SPG21: variants seen among roughly 807,000 people sequenced by gnomAD.
The protein encoded by SPG21 is maspardin.
Under a neutral mutation model 38.9 loss-of-function variants are expected in SPG21, and 26 were observed. That is an observed-to-expected ratio of 0.67 (90% CI 0.49 to 0.93). SPG21 has a LOEUF of 0.93. SPG21 is among the 40% of genes least tolerant of loss of function. The pLI is 0.00. For missense variants in SPG21, 333 were observed against 376.5 expected, an observed-to-expected ratio of 0.88 and a Z score of 0.96; for synonymous variants, 136 against 128.9, an observed-to-expected ratio of 1.05 and a Z score of -0.37.
intron 7 of SPG21, 125 bp downstream of exon 7, chr15:64,969,130 G>GT: frequency 2.8e-6 from 2 of 712,386 alleles, no homozygotes; most frequent in South Asian, 3.2e-5. Context: ...AAGCTGGAGG[G>GT]TAAAAACAAA....
rs1348908401 is a variant in SPG21, at chr15:64,963,063, A to G, written c.*557T>C. ...TTTATTCCAAATGACTAATATCTAG[A>G]AAGGCAGTAGCTAACACTCAAAACA... On this transcript the variant is annotated 3_prime_UTR_variant, in exon 9 of 9. Transcript: ENST00000204566. 1 of 152,850 alleles carries G rather than the reference A, an allele frequency of 6.5e-6. No individual in the cohort carries two copies. The highest frequency in any genetic ancestry group is 1.5e-5 in the Non-Finnish European group (1 of 68,350). The allele number at this position is 152,850 out of a possible 1,614,324, so 9.5% of individuals were successfully genotyped here.
intron 3 of SPG21, among the ~76,000 whole-genome samples, chr15:64,979,675 C>T (rs1488985220): frequency 6.6e-6 from 1 of 151,886 alleles, no homozygotes; most frequent in Non-Finnish European, 1.5e-5. Flanking sequence ...AAAGGAGAGA[C>T]GTGACCTGCC....
intron 4 of SPG21, 41 bp from the exon 5 acceptor site, chr15:64,974,788 T>C: frequency 6.2e-7 from 1 of 1,612,958 alleles, no homozygotes; most frequent in Non-Finnish European, 8.5e-7. Context: ...GAAATACTGA[T>C]CAATCTTGAA....
intron 5 of SPG21, among the ~76,000 whole-genome samples, chr15:64,971,874 G>A (rs1261816947): frequency 2.0e-5 from 3 of 152,136 alleles, no homozygotes; most frequent in Non-Finnish European, 4.4e-5. Context: ...ATCTTGCTCT[G>A]TTGCCCAGGC....
At chr15:64,971,335 T>G (rs181044994) in intron 5 of SPG21, among the ~76,000 whole-genome samples, 2 of 148,780 alleles carry the variant, frequency 1.3e-5, no homozygotes, top group Non-Finnish European at 3.0e-5. Context: ...GTCAGGAGAT[T>G]GAGACCATCC....
chr15:64,983,292 A>AT (rs2085919749), intron 2 of SPG21: 7 of 298,386 alleles, frequency 2.3e-5, no homozygotes, highest in Non-Finnish European at 3.8e-5. Flanking sequence ...AAATAAATAA[A>AT]AATGAGTACA....
At chr15:64,989,377 GC>G (rs2140461871) in intron 1 of SPG21, 1 of 152,406 alleles carries the variant, frequency 6.6e-6, no homozygotes, top group Non-Finnish European at 1.5e-5. Flanking sequence ...TAAGCCCTGT[GC>G]CGCCCCCACC....
At position 64,976,465 on chromosome 15, in the gene SPG21, G is replaced by A. The variant is rs2085775938; in HGVS notation, c.306+10C>T. ...AATTGTATGTATGTAATTAGTTTCA[G>A]GGTACTCACTTTATCCAATTGTAAA... On this transcript the variant is annotated intron_variant, in intron 4 of 8. Transcript: ENST00000204566. 3 of 1,589,074 alleles carry A rather than the reference G, an allele frequency of 1.9e-6. No individual in the cohort carries two copies. The highest frequency in any genetic ancestry group is 2.6e-6 in the Non-Finnish European group (3 of 1,157,670).
At chr15:64,973,860 T>C (rs968116405) in intron 5 of SPG21, among the ~76,000 whole-genome samples, 3 of 152,096 alleles carry the variant, frequency 2.0e-5, no homozygotes, top group African/African-American at 7.2e-5. Context: ...GGAGAACATA[T>C]CTCAAGGAAA....
At chr15:64,970,356 C>G in intron 5 of SPG21, 134 bp from the exon 6 acceptor site, 1 of 735,120 alleles carries the variant, frequency 1.4e-6, no homozygotes, top group Non-Finnish European at 2.3e-6. Flanking sequence ...AAGAGCTCAG[C>G]ATCTAGTTTT....
chr15:64,982,397 C>T (rs932100593), intron 2 of SPG21, among the ~76,000 whole-genome samples: 1 of 152,130 alleles, frequency 6.6e-6, no homozygotes, highest in Non-Finnish European at 1.5e-5. Context: ...CTTCCTGCCT[C>T]GGCCTTCCAA....
intron 3 of SPG21, among the ~76,000 whole-genome samples, chr15:64,978,433 G>A (rs2085826541): frequency 6.6e-6 from 1 of 152,008 alleles, no homozygotes. Context: ...GAGTGACAGA[G>A]TGAGACTCCA....
chr15:64,987,898 G>C (rs1201457597), intron 1 of SPG21, among the ~76,000 whole-genome samples: 1 of 152,228 alleles, frequency 6.6e-6, no homozygotes, highest in African/African-American at 2.4e-5. Context: ...GCTAGGCGTG[G>C]TGGCACATGC....
At chr15:64,975,317 A>C (rs1352353141) in intron 4 of SPG21, among the ~76,000 whole-genome samples, 1 of 150,306 alleles carries the variant, frequency 6.7e-6, no homozygotes, top group Non-Finnish European at 1.5e-5. Flanking sequence ...AAAGAAAAAA[A>C]GAAACCAACA....
intron 1 of SPG21, among the ~76,000 whole-genome samples, chr15:64,984,705 T>C (rs1031871171): frequency 1.4e-4 from 21 of 151,558 alleles, no homozygotes; most frequent in Admixed American, 6.6e-5. Context: ...CAATACACCA[T>C]AAATCTAACT....
chr15:64,966,998 T>G (rs1438570898), intron 7 of SPG21, among the ~76,000 whole-genome samples: 1 of 152,068 alleles, frequency 6.6e-6, no homozygotes, highest in Non-Finnish European at 1.5e-5. Context: ...TTTTTTTAAG[T>G]AAATTGAAAC....
intron 8 of SPG21, 128 bp from the exon 9 acceptor site, chr15:64,963,864 C>A: frequency 1.3e-6 from 1 of 758,068 alleles, no homozygotes; most frequent in Non-Finnish European, 2.2e-6. Context: ...TCACCCAATT[C>A]TCCTGCCTCA....
At chr15:64,977,567 C>T (rs1244332317) in intron 3 of SPG21, among the ~76,000 whole-genome samples, 3 of 151,572 alleles carry the variant, frequency 2.0e-5, no homozygotes, top group Non-Finnish European at 2.9e-5. Context: ...GGTTTTGCCA[C>T]GTTGCCCAGG....
chr15:64,987,421 A>T (rs998522094), intron 1 of SPG21: 1 of 152,220 alleles, frequency 6.6e-6, no homozygotes, highest in African/African-American at 2.4e-5. Flanking sequence ...TATGAATAGG[A>T]AAGTTTGTTC....
Sources: gnomAD v4.1 joint callset for allele counts (sites outside exome capture counted in the v4.1 genomes callset) on GRCh38, gnomAD v4.1.1 for gene constraint, MANE v1.5 for transcripts, NCBI Gene and HGNC (gene_info 2026-07-23, HGNC 2026-07-21) for gene names.